The following FRK variants were observed in gnomAD, a reference collection of about 807,000 sequenced individuals.
FRK encodes fyn related Src family tyrosine kinase, also known as tyrosine-protein kinase FRK.
Under a neutral mutation model 56.4 loss-of-function variants are expected in FRK, and 51 were observed. That is an observed-to-expected ratio of 0.90 (90% CI 0.72 to 1.14). The LOEUF (loss-of-function observed/expected upper bound fraction) is 1.14, where lower values mean the gene tolerates loss of function less well. Among genes scored for constraint, FRK ranks in the 50% most tolerant of loss-of-function variants. The pLI is 0.00. For synonymous variants in FRK, 245 were observed against 217.9 expected (o/e 1.12, Z -1.10); for missense variants, 570 against 601.4 (o/e 0.95, Z 0.55).
chr6:116,078,089 A>G, the FRK span, among the ~76,000 whole-genome samples: 150,172 of 152,286 alleles, frequency 0.99, 74,046 homozygotes, highest in Middle Eastern at 1. Context: ...GAACCTGGGA[A>G]GCGAAGGTTG....
rs1340190745 is a variant in FRK, at chr6:115,939,815, C to T, written c.*2599G>A. The T allele has an allele frequency of 6.6e-6, 1 of 152,042 alleles. No individual in the cohort carries two copies. The highest frequency in any genetic ancestry group is 6.6e-5 in the Admixed American group (1 of 15,264). 9.4% of individuals were successfully genotyped at this position (152,042 alleles called of 1,614,324 possible). On this transcript the variant is annotated 3_prime_UTR_variant, in exon 8 of 8. Transcript: ENST00000606080. ...TCAAGGAGAACTACAAACCACTGCT[C>T]AAGGAAATAAGAGAGGACACAAATA... is the stretch of plus-strand genomic sequence containing the variant.
At chr6:116,059,858 C>CT in intron 1 of FRK, 110 bp downstream of exon 1, 1 of 945,412 alleles carries the variant, frequency 1.1e-6, no homozygotes, top group Non-Finnish European at 1.6e-6. Flanking sequence ...CTTCCTCATA[C>CT]TTTTTAGGCA....
intron 1 of FRK, among the ~76,000 whole-genome samples, chr6:116,056,757 T>A (rs1324618234): frequency 6.6e-6 from 1 of 152,134 alleles, no homozygotes; most frequent in Non-Finnish European, 1.5e-5. Flanking sequence ...ATTGAAGATG[T>A]TGAAGAAAAA....
the FRK span, among the ~76,000 whole-genome samples, chr6:116,097,344 A>C: frequency 6.6e-6 from 1 of 152,170 alleles, no homozygotes; most frequent in East Asian, 1.9e-4. Flanking sequence ...TATATGTGCC[A>C]CAGAAGATAT....
At position 116,045,690 on chromosome 6, in the gene FRK, T is replaced by G. The variant is rs192064072; in HGVS notation, c.344+14278A>C. 1.7e-4 allele frequency among the ~76,000 whole-genome samples: 26 copies of G among 152,232 alleles called. No homozygotes were observed. In the East Asian group the frequency reaches 4.8e-3, roughly 28 times the overall value. ...TAGGCATGGGCAAAGACTTCAAGACTAAAAGAAAACCTAGGCAATATCATT... is the reference window on the plus strand; with the variant it reads ...TAGGCATGGGCAAAGACTTCAAGACGAAAAGAAAACCTAGGCAATATCATT... On this transcript the variant is annotated intron_variant, in intron 1 of 7. Coordinates refer to ENST00000606080, the MANE Select transcript of FRK (RefSeq NM_002031.3).
chr6:115,940,209 T>G lies in FRK; in HGVS notation c.*2205A>C, dbSNP rs1483931621. ...CAACCATCTGATCTTTGACAAACCT[T>G]ACAAAAACAACCAATGGGGAAAGGA... On this transcript the variant is annotated 3_prime_UTR_variant, in exon 8 of 8. Coordinates refer to ENST00000606080, the MANE Select transcript of FRK (RefSeq NM_002031.3). 1.3e-5 allele frequency: 2 copies of G among 151,918 alleles called. No homozygotes were observed. Among genetic ancestry groups the G allele is most frequent in the African/African-American group, 2.4e-5 (1 of 41,382 alleles). 9.4% of individuals were successfully genotyped at this position (151,918 alleles called of 1,614,324 possible).
chr6:115,988,003 C>A (rs1774454814), intron 2 of FRK, among the ~76,000 whole-genome samples: 1 of 152,006 alleles, frequency 6.6e-6, no homozygotes, highest in Non-Finnish European at 1.5e-5. Context: ...GATAGCTCTG[C>A]AGAGAGAGGG....
At chr6:115,994,069 C>A (rs977285089) in intron 2 of FRK, among the ~76,000 whole-genome samples, 1 of 151,984 alleles carries the variant, frequency 6.6e-6, no homozygotes, top group African/African-American at 2.4e-5. Flanking sequence ...TTATAGAAAA[C>A]TTAATGGTTC....
intron 2 of FRK, among the ~76,000 whole-genome samples, chr6:115,978,430 T>C (rs1182020658): frequency 1.3e-5 from 2 of 152,208 alleles, no homozygotes; most frequent in Non-Finnish European, 2.9e-5. Flanking sequence ...TTGCCTATTA[T>C]GCTTTACATA....
chr6:115,953,037 C>T (rs958836470), intron 5 of FRK, among the ~76,000 whole-genome samples: 1 of 150,864 alleles, frequency 6.6e-6, no homozygotes, highest in Non-Finnish European at 1.5e-5. Flanking sequence ...CTAACCTGCA[C>T]ATTGTGCACA....
the FRK span, among the ~76,000 whole-genome samples, chr6:116,087,818 T>C: frequency 6.6e-6 from 1 of 152,226 alleles, no homozygotes; most frequent in Non-Finnish European, 1.5e-5. Context: ...TAGCCCACTT[T>C]TGATTTCAAC....
intron 2 of FRK, among the ~76,000 whole-genome samples, chr6:115,982,562 C>G (rs967747109): frequency 1.3e-5 from 2 of 152,084 alleles, no homozygotes; most frequent in Non-Finnish European, 2.9e-5. Context: ...TAAAGACAAA[C>G]CACCCCTTAG....
At chr6:116,023,563 A>G (rs1275729977) in intron 1 of FRK, among the ~76,000 whole-genome samples, 3 of 152,210 alleles carry the variant, frequency 2.0e-5, no homozygotes, top group Admixed American at 6.6e-5. Flanking sequence ...ATTTATATGA[A>G]GTGCCAGCAT....
the FRK span, among the ~76,000 whole-genome samples, chr6:116,084,044 G>A: frequency 6.6e-6 from 1 of 152,086 alleles, no homozygotes; most frequent in African/African-American, 2.4e-5. Flanking sequence ...GAGGGTGAAG[G>A]TGGTAGCAGT....
chr6:115,971,408 A>T (rs1423745004), intron 2 of FRK, among the ~76,000 whole-genome samples: 1 of 152,210 alleles, frequency 6.6e-6, no homozygotes, highest in Non-Finnish European at 1.5e-5. Context: ...AGAAAAATGC[A>T]AGGAAATATC....
intron 1 of FRK, among the ~76,000 whole-genome samples, chr6:116,022,530 G>A (rs1775911034): frequency 6.6e-6 from 1 of 152,014 alleles, no homozygotes; most frequent in African/African-American, 2.4e-5. Context: ...CCATGTTGAT[G>A]AATTGAAAAA....
chr6:116,094,431 GA>G, the FRK span, among the ~76,000 whole-genome samples: 1 of 152,240 alleles, frequency 6.6e-6, no homozygotes, highest in Non-Finnish European at 1.5e-5. Flanking sequence ...ACCATCCAAG[GA>G]ATCCTGGGAC....
intron 2 of FRK, 111 bp downstream of exon 2, chr6:116,003,766 T>C (rs1411169399): frequency 9.8e-6 from 12 of 1,225,852 alleles, no homozygotes; most frequent in Non-Finnish European, 1.3e-5. Context: ...GGTGCTACTG[T>C]AAAGATAAGA....
In FRK at chr6:116,004,001, A is replaced by G. The variant is rs1775161932; in HGVS notation, c.345-3T>C. The G allele has an allele frequency of 6.2e-7, 1 of 1,610,488 alleles. No homozygotes were observed. Among genetic ancestry groups the G allele is most frequent in the Non-Finnish European group, 8.5e-7 (1 of 1,177,792 alleles). ...TTCCGATTGCTCCAAAGAACCACCTAAAAAGAGAGATATGTAAATGTTAAG... is the reference window on the plus strand; with the variant it reads ...TTCCGATTGCTCCAAAGAACCACCTGAAAAGAGAGATATGTAAATGTTAAG... On this transcript the variant is annotated splice_region_variant and splice_polypyrimidine_tract_variant and intron_variant, in intron 1 of 7. Coordinates refer to ENST00000606080, the MANE Select transcript of FRK (RefSeq NM_002031.3).
Sources: gnomAD v4.1 joint callset for allele counts (sites outside exome capture counted in the v4.1 genomes callset) on GRCh38, gnomAD v4.1.1 for gene constraint, MANE v1.5 for transcripts, NCBI Gene and HGNC (gene_info 2026-07-23, HGNC 2026-07-21) for gene names.